Variants in SGCZ observed in about 807,000 individuals in gnomAD.
The protein encoded by SGCZ is sarcoglycan zeta.
In SGCZ, 40 loss-of-function variants were observed where a neutral mutation model predicts 41.3. The ratio of observed to expected loss-of-function variants is 0.97; its 90% CI spans 0.75 to 1.26. SGCZ has a LOEUF of 1.26. SGCZ is among the 50% of genes most tolerant of loss of function. SGCZ has a pLI of 0.00. For missense variants in SGCZ, 552 were observed against 369.8 expected (o/e 1.49, Z -4.04); for synonymous variants, 206 against 137.5 (o/e 1.50, Z -3.49).
At chr8:14,373,474 T>C (rs1803985968) in intron 2 of SGCZ, among the ~76,000 whole-genome samples, 1 of 152,042 alleles carries the variant, frequency 6.6e-6, no homozygotes, top group South Asian at 2.1e-4. Context: ...GAGAAGACAA[T>C]AAAAATAAGT....
chr8:14,247,400 T>G (rs1449689259), intron 3 of SGCZ, among the ~76,000 whole-genome samples: 2 of 152,100 alleles, frequency 1.3e-5, no homozygotes, highest in African/African-American at 4.8e-5. Context: ...CAGGGAGCAG[T>G]TTTACACATG....
At chr8:14,149,210 G>A (rs1216502839) in intron 5 of SGCZ, among the ~76,000 whole-genome samples, 1 of 151,926 alleles carries the variant, frequency 6.6e-6, no homozygotes, top group South Asian at 2.1e-4. Flanking sequence ...AGAAAGATTT[G>A]AGCATCCAAA....
chr8:15,182,073 C>T (rs957748965), intron 1 of SGCZ, among the ~76,000 whole-genome samples: 11 of 152,114 alleles, frequency 7.2e-5, no homozygotes, highest in African/African-American at 2.7e-4. Flanking sequence ...TTTATTCATT[C>T]CGAAATTCAT....
rs1806108549 is a variant in SGCZ, at chr8:15,090,265, C to T, written c.39+147320G>A. Among the ~76,000 whole-genome samples, 3 of 152,150 alleles carry T rather than the reference C, an allele frequency of 2.0e-5. No homozygotes were observed. In the South Asian group the frequency reaches 6.2e-4, roughly 31 times the overall value. On this transcript the variant is annotated intron_variant, in intron 1 of 7. Transcript: ENST00000382080. ...TTTTAAGACATGTAGTAAAGGTAAA[C>T]AAAAAATACCATGTATTTTGGCCAA...
chr8:15,017,029 A>G (rs898281558), intron 1 of SGCZ, among the ~76,000 whole-genome samples: 1 of 152,136 alleles, frequency 6.6e-6, no homozygotes, highest in Admixed American at 6.6e-5. Flanking sequence ...ACTAGACTCC[A>G]CCTTCAACAA....
intron 1 of SGCZ, among the ~76,000 whole-genome samples, chr8:15,224,585 T>A (rs1267790833): frequency 6.6e-6 from 1 of 152,154 alleles, no homozygotes; most frequent in Non-Finnish European, 1.5e-5. Context: ...AAACCCAATA[T>A]ATTAGATATT....
intron 3 of SGCZ, among the ~76,000 whole-genome samples, chr8:14,268,575 T>C (rs888313032): frequency 6.6e-6 from 1 of 151,906 alleles, no homozygotes; most frequent in African/African-American, 2.4e-5. Context: ...GGGGATAGTA[T>C]TTAAACAAGT....
chr8:14,750,742 A>G (rs1799473816), intron 1 of SGCZ, among the ~76,000 whole-genome samples: 1 of 152,220 alleles, frequency 6.6e-6, no homozygotes, highest in African/African-American at 2.4e-5. Flanking sequence ...CTGGGTATGC[A>G]TGACTAATCA....
At chr8:14,959,330 G>T (rs1800890327) in intron 1 of SGCZ, among the ~76,000 whole-genome samples, 1 of 151,996 alleles carries the variant, frequency 6.6e-6, no homozygotes, top group Admixed American at 6.6e-5. Context: ...GCTTTCTTTG[G>T]TTGGTTGGTT....
intron 2 of SGCZ, among the ~76,000 whole-genome samples, chr8:14,333,643 CTG>C (rs1373106362): frequency 6.6e-6 from 1 of 152,100 alleles, no homozygotes; most frequent in Non-Finnish European, 1.5e-5. Flanking sequence ...GAGAAACACA[CTG>C]TGTCTAATAC....
At chr8:14,401,815 G>A (rs1264284049) in intron 2 of SGCZ, among the ~76,000 whole-genome samples, 1 of 150,774 alleles carries the variant, frequency 6.6e-6, no homozygotes, top group Non-Finnish European at 1.5e-5. Context: ...TAATGGGATG[G>A]CTGGGTCAAA....
At chr8:14,153,932 C>A (rs1195583860) in intron 5 of SGCZ, among the ~76,000 whole-genome samples, 1 of 118,358 alleles carries the variant, frequency 8.4e-6, no homozygotes, top group Non-Finnish European at 1.7e-5. Context: ...CTCACACACA[C>A]ACACACAGAC....
chr8:14,922,090 T>A (rs190237872), intron 1 of SGCZ, among the ~76,000 whole-genome samples: 119 of 152,236 alleles, frequency 7.8e-4, no homozygotes, highest in African/African-American at 2.7e-3. Context: ...TGGTGCTTAA[T>A]CCCTGCTTTA....
intron 1 of SGCZ, among the ~76,000 whole-genome samples, chr8:14,809,100 G>A (rs988950201): frequency 5.9e-5 from 7 of 119,138 alleles, no homozygotes; most frequent in African/African-American, 2.5e-4. Context: ...GGAGGGGGGA[G>A]GGATAGCATT....
At chr8:14,448,602 T>C (rs1800501841) in intron 2 of SGCZ, among the ~76,000 whole-genome samples, 2 of 152,208 alleles carry the variant, frequency 1.3e-5, no homozygotes, top group African/African-American at 4.8e-5. Context: ...CGACTATTAA[T>C]ATGAATGAGG....
At chr8:14,440,173 C>T (rs1800206732) in intron 2 of SGCZ, among the ~76,000 whole-genome samples, 1 of 151,692 alleles carries the variant, frequency 6.6e-6, no homozygotes, top group African/African-American at 2.4e-5. Flanking sequence ...TTTTTGTTTG[C>T]CCAAGAATTT....
rs372563375 is a variant in SGCZ, at chr8:15,179,621, A to C, written c.39+57964T>G. Reference sequence around the variant, plus strand: ...ATAAATGGCACAAAGCATGGTACACAGTCATCAGTTTTGGAAATAATTTAT... The same window carrying C: ...ATAAATGGCACAAAGCATGGTACACCGTCATCAGTTTTGGAAATAATTTAT... On this transcript the variant is annotated intron_variant, in intron 1 of 7. Transcript: ENST00000382080. Among the ~76,000 whole-genome samples the C allele has an allele frequency of 9.8e-5, 15 of 152,342 alleles. No individual in the cohort carries two copies. The East Asian group carries it at 2.1e-3, about 22-fold the overall frequency.
At chr8:14,157,685 T>C (rs1803919428) in intron 5 of SGCZ, among the ~76,000 whole-genome samples, 1 of 151,950 alleles carries the variant, frequency 6.6e-6, no homozygotes, top group Non-Finnish European at 1.5e-5. Context: ...AAATATAAAA[T>C]AGTACTTCTT....
chr8:15,208,902 T>TATAGAGAG (rs1411869670), intron 1 of SGCZ, among the ~76,000 whole-genome samples: 53 of 149,898 alleles, frequency 3.5e-4, no homozygotes, highest in Non-Finnish European at 4.9e-4. Context: ...TACATATATA[T>TATAGAGAG]AGAGAGAGAG....
Sources: gnomAD v4.1 joint callset for allele counts (sites outside exome capture counted in the v4.1 genomes callset) on GRCh38, gnomAD v4.1.1 for gene constraint, MANE v1.5 for transcripts, NCBI Gene and HGNC (gene_info 2026-07-23, HGNC 2026-07-21) for gene names.